The following CCDC3 variants were observed in gnomAD, a reference collection of about 807,000 sequenced individuals.
CCDC3 encodes coiled-coil domain containing 3.
A neutral mutation model predicts 21.4 loss-of-function variants in CCDC3; 24 were observed. That is an observed-to-expected ratio of 1.12 (90% CI 0.81 to 1.58). CCDC3 has a LOEUF of 1.58. CCDC3 is among the 40% of genes most tolerant of loss of function. The pLI, the probability that CCDC3 is intolerant of heterozygous loss-of-function variation, is 0.00. For synonymous variants in CCDC3, 186 were observed against 166.0 expected, an observed-to-expected ratio of 1.12 and a Z score of -0.93; for missense variants, 425 against 360.9, an observed-to-expected ratio of 1.18 and a Z score of -1.44.
At chr10:12,955,992 G>A (rs1300926960) in intron 2 of CCDC3, among the ~76,000 whole-genome samples, 2 of 152,102 alleles carry the variant, frequency 1.3e-5, no homozygotes, top group Non-Finnish European at 2.9e-5. Flanking sequence ...ACAGATGTCA[G>A]CCACAGTGCC....
At chr10:12,932,610 C>A (rs746871844) in intron 2 of CCDC3, among the ~76,000 whole-genome samples, 42 of 152,164 alleles carry the variant, frequency 2.8e-4, no homozygotes, top group Non-Finnish European at 5.9e-4. Context: ...ATGTTATCTA[C>A]AATGTTTTAT....
chr10:13,004,773 TCTGCCACC>T (rs1835906339), upstream of CCDC3, among the ~76,000 whole-genome samples: 1 of 152,064 alleles, frequency 6.6e-6, no homozygotes, highest in African/African-American at 2.4e-5. Flanking sequence ...ACCCTCTGTT[TCTGCCACC>T]ATGGCCACTC....
chr10:12,957,677 CCCT>C (rs1282655629), intron 2 of CCDC3, among the ~76,000 whole-genome samples: 1 of 152,128 alleles, frequency 6.6e-6, no homozygotes, highest in East Asian at 1.9e-4. Flanking sequence ...TGCGGCACCT[CCCT>C]CCTACCTCCC....
chr10:12,961,223 C>T (rs989813735), intron 2 of CCDC3, among the ~76,000 whole-genome samples: 1 of 152,192 alleles, frequency 6.6e-6, no homozygotes, highest in African/African-American at 2.4e-5. Context: ...AAGTCTGTCT[C>T]CTCATCTGTG....
intron 2 of CCDC3, among the ~76,000 whole-genome samples, chr10:12,917,657 C>G (rs891434717): frequency 2.0e-5 from 3 of 152,168 alleles, no homozygotes; most frequent in African/African-American, 7.2e-5. Context: ...TGCTGACATC[C>G]TATTTCTTGG....
At chr10:12,949,797 G>A (rs1834981699) in intron 2 of CCDC3, among the ~76,000 whole-genome samples, 2 of 152,200 alleles carry the variant, frequency 1.3e-5, no homozygotes, top group African/African-American at 4.8e-5. Flanking sequence ...CCAGAGGAAA[G>A]TGCAATCATG....
At chr10:12,937,863 C>T (rs1834765261) in intron 2 of CCDC3, among the ~76,000 whole-genome samples, 1 of 152,186 alleles carries the variant, frequency 6.6e-6, no homozygotes, top group South Asian at 2.1e-4. Flanking sequence ...CATTATTTGG[C>T]ACCCCATGGA....
At chr10:12,983,726 T>G (rs1183334568) in intron 2 of CCDC3, among the ~76,000 whole-genome samples, 1 of 148,742 alleles carries the variant, frequency 6.7e-6, no homozygotes, top group Non-Finnish European at 1.5e-5. Context: ...GCCGGACAGA[T>G]GGTAAATGTA....
At chr10:12,931,565 A>G (rs1378875467) in intron 2 of CCDC3, among the ~76,000 whole-genome samples, 2 of 152,216 alleles carry the variant, frequency 1.3e-5, no homozygotes, top group African/African-American at 4.8e-5. Context: ...TGGTTTTTCT[A>G]TAGCTGCTTT....
chr10:13,023,426 G>A (rs1388043656), intron 5 of CCDC3, among the ~76,000 whole-genome samples: 3 of 152,104 alleles, frequency 2.0e-5, no homozygotes, highest in African/African-American at 7.2e-5. Context: ...GTTTTCTGGG[G>A]TTTCAGTTCT....
chr10:13,091,820 CAAAA>C (rs5783305), intron 3 of CCDC3, among the ~76,000 whole-genome samples: 135 of 127,306 alleles, frequency 1.1e-3, no homozygotes, highest in African/African-American at 2.3e-3. Context: ...AAGCCCAATC[CAAAA>C]AAAAAAAAAA....
At chr10:13,034,300 C>T (rs4450081) in intron 5 of CCDC3, among the ~76,000 whole-genome samples, 4,059 of 131,750 alleles carry the variant, frequency 0.031, 126 homozygotes, top group Admixed American at 0.14. Flanking sequence ...AATGAGAACA[C>T]TTGGACACAG....
At chr10:12,942,869 A>T (rs533330762) in intron 2 of CCDC3, among the ~76,000 whole-genome samples, 1 of 152,236 alleles carries the variant, frequency 6.6e-6, no homozygotes, top group South Asian at 2.1e-4. Flanking sequence ...CTTGGCTCTT[A>T]AACTCACTCC....
At chr10:13,058,312 T>C (rs1184877165) in intron 4 of CCDC3, 6 of 1,351,926 alleles carry the variant, frequency 4.4e-6, no homozygotes, top group Non-Finnish European at 6.3e-6. Flanking sequence ...TCACCTTCAC[T>C]TGGCCTTCAT....
rs12098626 is a variant in CCDC3 at position 12,927,788 on chromosome 10, G to T, written c.550-29109C>A. Among the ~76,000 whole-genome samples the T allele has an allele frequency of 1.2e-3, 180 of 151,518 alleles. 1 individual carries two copies. Among genetic ancestry groups the T allele is most frequent in the African/African-American group, 4.0e-3 (164 of 41,436 alleles). On this transcript the variant is annotated intron_variant, in intron 2 of 2. Transcript: ENST00000378825. Reference sequence around the variant, plus strand: ...AATTTGAACCATATTAGAAGTCCATGAATCCATTAGAATCATCTGGAGCAG... The same window carrying T: ...AATTTGAACCATATTAGAAGTCCATTAATCCATTAGAATCATCTGGAGCAG...
rs188653255 is a variant in CCDC3, at chr10:13,072,468, C to A, written c.-270+1400G>T. On this transcript the variant is annotated intron_variant, in intron 4 of 6. Transcript: ENST00000378839. ...TCCCCAGAGAATCTCCGACCCACCCCACAAGTGTTTACATCAGATGCTTCT... is the reference window on the plus strand; with the variant it reads ...TCCCCAGAGAATCTCCGACCCACCCAACAAGTGTTTACATCAGATGCTTCT... Among the ~76,000 whole-genome samples the A allele has an allele frequency of 3.3e-4, 50 of 152,312 alleles. 1 individual carries two copies. Among genetic ancestry groups the A allele is most frequent in the Admixed American group, 3.3e-3 (50 of 15,308 alleles).
intron 3 of CCDC3, among the ~76,000 whole-genome samples, chr10:13,078,930 C>A (rs553906858): frequency 9.2e-5 from 14 of 152,160 alleles, no homozygotes; most frequent in African/African-American, 2.9e-4. Flanking sequence ...TTAATGGGTG[C>A]AGCACACCAA....
chr10:13,061,784 T>A (rs1836760875), intron 4 of CCDC3, among the ~76,000 whole-genome samples: 1 of 152,166 alleles, frequency 6.6e-6, no homozygotes, highest in African/African-American at 2.4e-5. Context: ...GATAAAAGAT[T>A]GTGGAGACTG....
upstream of CCDC3, among the ~76,000 whole-genome samples, chr10:13,006,651 G>A (rs1346236053): frequency 6.6e-6 from 1 of 152,168 alleles, no homozygotes; most frequent in African/African-American, 2.4e-5. Flanking sequence ...AGAAAATGTG[G>A]GGGTTTGTCA....
Sources: gnomAD v4.1 joint callset for allele counts (sites outside exome capture counted in the v4.1 genomes callset) on GRCh38, gnomAD v4.1.1 for gene constraint, MANE v1.5 for transcripts, NCBI Gene and HGNC (gene_info 2026-07-23, HGNC 2026-07-21) for gene names.